Variants in CDH4 observed in about 807,000 individuals in gnomAD.
CDH4 encodes cadherin-4.
In CDH4, 33 loss-of-function variants were observed where a neutral mutation model predicts 86.0. The ratio of observed to expected loss-of-function variants is 0.38; its 90% CI spans 0.29 to 0.51. The LOEUF (loss-of-function observed/expected upper bound fraction) is 0.51. Ranked by LOEUF, CDH4 falls within the 20% of genes least tolerant of loss-of-function variation. The probability of loss-of-function intolerance (pLI) is 0.86; values close to 1 mark genes in which losing one functional copy is unlikely to be tolerated. For missense variants in CDH4, 1,114 were observed against 1,307.4 expected (o/e 0.85, Z 2.28); for synonymous variants, 555 against 549.4 (o/e 1.01, Z -0.14).
chr20:61,599,066 A>G (rs147090911), intron 2 of CDH4, among the ~76,000 whole-genome samples: 1 of 152,220 alleles, frequency 6.6e-6, no homozygotes, highest in East Asian at 1.9e-4. Context: ...TCTTGACACC[A>G]CGTCCCTGGG....
chr20:61,757,906 G>A (rs2088585163), intron 3 of CDH4, among the ~76,000 whole-genome samples: 1 of 152,210 alleles, frequency 6.6e-6, no homozygotes. Flanking sequence ...CATGGGCTGG[G>A]AAGATCTGGA....
At chr20:61,609,090 C>A (rs2086665499) in intron 2 of CDH4, among the ~76,000 whole-genome samples, 1 of 152,216 alleles carries the variant, frequency 6.6e-6, no homozygotes, top group African/African-American at 2.4e-5. Context: ...GCTACAGGGA[C>A]CCCCTCAAGC....
chr20:61,565,270 T>TGGTGG (rs1600764292), intron 2 of CDH4, among the ~76,000 whole-genome samples: 1 of 116,664 alleles, frequency 8.6e-6, no homozygotes, highest in East Asian at 2.5e-4. Flanking sequence ...GTGGTGGTGG[T>TGGTGG]CCTCTTGGTG....
chr20:61,533,280 C>T (rs4925250), intron 2 of CDH4, among the ~76,000 whole-genome samples: 12,545 of 152,184 alleles, frequency 0.082, 741 homozygotes, highest in East Asian at 0.33. Context: ...GGCCTGGGCA[C>T]GGCAGGCGGC....
chr20:61,819,938 C>T (rs1040770907), intron 4 of CDH4, among the ~76,000 whole-genome samples: 1 of 152,194 alleles, frequency 6.6e-6, no homozygotes, highest in Non-Finnish European at 1.5e-5. Context: ...ATCCCGCGAC[C>T]TTGAGCTGTG....
intron 2 of CDH4, among the ~76,000 whole-genome samples, chr20:61,661,903 G>A (rs2087261778): frequency 6.6e-6 from 1 of 152,166 alleles, no homozygotes; most frequent in Non-Finnish European, 1.5e-5. Context: ...CCGCGGTCCT[G>A]TAACATGCAA....
intron 2 of CDH4, among the ~76,000 whole-genome samples, chr20:61,705,617 C>G (rs2087821081): frequency 6.6e-6 from 1 of 152,174 alleles, no homozygotes; most frequent in African/African-American, 2.4e-5. Flanking sequence ...GGGACTTCCT[C>G]TGGCCCTTGT....
At chr20:61,803,601 G>A (rs531364553) in intron 4 of CDH4, among the ~76,000 whole-genome samples, 27 of 152,332 alleles carry the variant, frequency 1.8e-4, no homozygotes, top group African/African-American at 5.5e-4. Context: ...CGCAGGCCTG[G>A]TGGCCTGGAG....
chr20:61,567,600 A>C (rs1195158787), intron 2 of CDH4, among the ~76,000 whole-genome samples: 1 of 152,328 alleles, frequency 6.6e-6, no homozygotes, highest in East Asian at 1.9e-4. Context: ...TGGGGGCACA[A>C]ACATTTAGCC....
At chr20:61,383,093 A>C (rs2084914013) in intron 2 of CDH4, among the ~76,000 whole-genome samples, 1 of 120,934 alleles carries the variant, frequency 8.3e-6, no homozygotes, top group Non-Finnish European at 1.7e-5. Flanking sequence ...ATATGAATAT[A>C]TATATGAATA....
At chr20:61,256,326 A>G (rs2084097770) in intron 2 of CDH4, among the ~76,000 whole-genome samples, 1 of 152,208 alleles carries the variant, frequency 6.6e-6, no homozygotes, top group Non-Finnish European at 1.5e-5. Context: ...GCCAAATATG[A>G]TAAGACCTTG....
At chr20:61,924,590 G>T in intron 11 of CDH4, 114 bp downstream of exon 11, 1 of 1,217,442 alleles carries the variant, frequency 8.2e-7, no homozygotes, top group Middle Eastern at 2.7e-4. Flanking sequence ...GGCATCCAGA[G>T]GGTCACCCAG....
intron 2 of CDH4, among the ~76,000 whole-genome samples, chr20:61,346,932 C>T (rs1452316087): frequency 2.0e-5 from 3 of 152,008 alleles, no homozygotes; most frequent in Non-Finnish European, 4.4e-5. Flanking sequence ...TCCCACATTC[C>T]CAGGCAGTTC....
At chr20:61,524,586 GT>G (rs1335544769) in intron 2 of CDH4, among the ~76,000 whole-genome samples, 1 of 151,908 alleles carries the variant, frequency 6.6e-6, no homozygotes, top group African/African-American at 2.4e-5. Context: ...CTGGTCTCAG[GT>G]GATCCTCCTA....
chr20:61,329,466 T>TCCCCCGTGGGTCTGGGACGCGGGTC (rs1568800084), intron 2 of CDH4, among the ~76,000 whole-genome samples: 4 of 37,214 alleles, frequency 1.1e-4, no homozygotes, highest in Admixed American at 4.1e-4. Context: ...GGATGTGGGT[T>TCCCCCGTGGGTCTGGGACGCGGGTC]GAGGTGGCTG....
chr20:61,324,002 A>G (rs539568012), intron 2 of CDH4, among the ~76,000 whole-genome samples: 1 of 152,304 alleles, frequency 6.6e-6, no homozygotes, highest in Admixed American at 6.5e-5. Flanking sequence ...GATCGCAAAG[A>G]TGGTTTCCAA....
intron 4 of CDH4, among the ~76,000 whole-genome samples, chr20:61,775,827 G>GA (rs1171538406): frequency 6.6e-6 from 1 of 152,206 alleles, no homozygotes; most frequent in Non-Finnish European, 1.5e-5. Flanking sequence ...CTGGCTCTTG[G>GA]AGTTTCTCAG....
intron 2 of CDH4, among the ~76,000 whole-genome samples, chr20:61,454,402 C>T (rs1249149611): frequency 6.6e-6 from 1 of 152,042 alleles, no homozygotes; most frequent in East Asian, 1.9e-4. Flanking sequence ...GTGAAGAGCC[C>T]GCAAGACAGA....
intron 4 of CDH4, among the ~76,000 whole-genome samples, chr20:61,823,173 A>C (rs1452925493): frequency 6.6e-6 from 1 of 150,544 alleles, no homozygotes; most frequent in Non-Finnish European, 1.5e-5. Flanking sequence ...CACACTGTTG[A>C]GGGCAGTCTG....
Sources: gnomAD v4.1 joint callset for allele counts (sites outside exome capture counted in the v4.1 genomes callset) on GRCh38, gnomAD v4.1.1 for gene constraint, MANE v1.5 for transcripts, NCBI Gene and HGNC (gene_info 2026-07-23, HGNC 2026-07-21) for gene names.